The following PTK2 variants were observed in gnomAD, a reference collection of about 807,000 sequenced individuals.
PTK2 encodes protein tyrosine kinase 2, also known as focal adhesion kinase 1.
In PTK2, 45 loss-of-function variants were observed where a neutral mutation model predicts 150.1. The ratio of observed to expected loss-of-function variants is 0.30; its 90% CI spans 0.24 to 0.38. The LOEUF (loss-of-function observed/expected upper bound fraction) is 0.38, where lower values mean the gene tolerates loss of function less well. PTK2 is among the 10% of genes least tolerant of loss of function. The pLI is 1.00. For synonymous variants in PTK2, 432 were observed against 449.2 expected, an observed-to-expected ratio of 0.96 and a Z score of 0.48; for missense variants, 919 against 1,307.3, an observed-to-expected ratio of 0.70 and a Z score of 4.58.
intron 31 of PTK2, among the ~76,000 whole-genome samples, chr8:140,664,411 C>T (rs562003243): frequency 8.5e-5 from 13 of 152,266 alleles, no homozygotes; most frequent in East Asian, 1.9e-4. Flanking sequence ...GGATTACGGG[C>T]GTGAGCTACC....
At chr8:140,691,456 A>G (rs1049781152) in intron 26 of PTK2, among the ~76,000 whole-genome samples, 2 of 152,212 alleles carry the variant, frequency 1.3e-5, no homozygotes, top group Non-Finnish European at 2.9e-5. Flanking sequence ...ATTCATAAAG[A>G]AAATACTGTA....
intron 8 of PTK2, among the ~76,000 whole-genome samples, chr8:140,829,645 A>G (rs1041469483): frequency 6.6e-6 from 1 of 152,142 alleles, no homozygotes; most frequent in Admixed American, 6.6e-5. Context: ...GGGATGTAGA[A>G]TAAGATCTTT....
chr8:140,665,476 C>T (rs1588930990), intron 30 of PTK2, among the ~76,000 whole-genome samples: 1 of 152,262 alleles, frequency 6.6e-6, no homozygotes, highest in East Asian at 1.9e-4. Context: ...AAGGGGGCAG[C>T]CTTGCTTTGG....
intron 2 of PTK2, among the ~76,000 whole-genome samples, chr8:140,903,469 T>C (rs2100159601): frequency 6.6e-6 from 1 of 152,220 alleles, no homozygotes; most frequent in East Asian, 1.9e-4. Context: ...TTGCTTAGGA[T>C]TGAGTTGGCT....
intron 20 of PTK2, among the ~76,000 whole-genome samples, chr8:140,741,841 TA>T: frequency 6.6e-6 from 1 of 152,052 alleles, no homozygotes; most frequent in Non-Finnish European, 1.5e-5. Context: ...AGATTTCAGT[TA>T]AAAAAACTAA....
intron 22 of PTK2, among the ~76,000 whole-genome samples, chr8:140,719,132 C>T (rs143879068): frequency 4.6e-5 from 7 of 152,136 alleles, no homozygotes; most frequent in South Asian, 2.1e-4. Flanking sequence ...GCTGAGATCA[C>T]GCCACTGTAC....
At chr8:140,915,578 C>G (rs2100164914) in intron 2 of PTK2, among the ~76,000 whole-genome samples, 1 of 152,038 alleles carries the variant, frequency 6.6e-6, no homozygotes, top group African/African-American at 2.4e-5. Flanking sequence ...TTCTCCTTCA[C>G]TTAGAAGGTC....
At chr8:141,000,439 G>C (rs2100199690) in intron 1 of PTK2, among the ~76,000 whole-genome samples, 1 of 152,146 alleles carries the variant, frequency 6.6e-6, no homozygotes, top group Non-Finnish European at 1.5e-5. Flanking sequence ...GACGGAGGTC[G>C]GGCCGTCGCG....
At chr8:140,862,084 A>C (rs1490908748) in intron 5 of PTK2, among the ~76,000 whole-genome samples, 1 of 152,252 alleles carries the variant, frequency 6.6e-6, no homozygotes, top group Admixed American at 6.5e-5. Context: ...ACAAAGAAAA[A>C]GTAGGACAAC....
intron 26 of PTK2, among the ~76,000 whole-genome samples, chr8:140,697,859 T>G (rs1418946534): frequency 4.6e-5 from 6 of 130,922 alleles, no homozygotes; most frequent in South Asian, 2.7e-4. Context: ...ACTGTTTTTT[T>G]TTTTTTTTTT....
At chr8:140,920,617 AT>A (rs1250751613) in intron 2 of PTK2, among the ~76,000 whole-genome samples, 1 of 152,314 alleles carries the variant, frequency 6.6e-6, no homozygotes, top group Non-Finnish European at 1.5e-5. Flanking sequence ...TCCATAAAAA[AT>A]ATTTTCATTT....
At chr8:140,675,531 T>C (rs2100013110) in intron 27 of PTK2, 32 bp from the exon 31 acceptor site, 2 of 1,533,252 alleles carry the variant, frequency 1.3e-6, no homozygotes, top group East Asian at 4.5e-5. Context: ...GTCAATGCAC[T>C]GGTATATACA....
At position 140,941,709 on chromosome 8, in the gene PTK2, C is replaced by T. The variant is rs2100175837; in HGVS notation, c.-121-15960G>A. 3.3e-5 allele frequency among the ~76,000 whole-genome samples: 5 copies of T among 151,960 alleles called. No individual in the cohort carries two copies. In the South Asian group the frequency reaches 1.0e-3, roughly 32 times the overall value. On this transcript the variant is annotated intron_variant, in intron 1 of 31. Coordinates refer to ENST00000522684, the Ensembl canonical transcript of PTK2. ...TACCACAAAGTAGTAATGAGCAACTCTATTTTTTTTTTGGAGACAGGGTCT... is the reference window on the plus strand; with the variant it reads ...TACCACAAAGTAGTAATGAGCAACTTTATTTTTTTTTTGGAGACAGGGTCT...
intron 4 of PTK2, among the ~76,000 whole-genome samples, chr8:140,877,626 C>T (rs2100146428): frequency 6.6e-6 from 1 of 151,866 alleles, no homozygotes; most frequent in Admixed American, 6.6e-5. Context: ...CCTGGCTCAG[C>T]CACTTATGAC....
chr8:140,938,394 T>C (rs1183061791), intron 1 of PTK2, among the ~76,000 whole-genome samples: 13 of 152,156 alleles, frequency 8.5e-5, no homozygotes, highest in South Asian at 4.1e-4. Context: ...CAAACTCTCA[T>C]AAAAACTCCA....
intron 17 of PTK2, among the ~76,000 whole-genome samples, chr8:140,751,124 C>T (rs569600658): frequency 6.6e-6 from 1 of 152,058 alleles, no homozygotes; most frequent in African/African-American, 2.4e-5. Flanking sequence ...CCTGGGAAGC[C>T]GTCAGAAGAG....
intron 2 of PTK2, among the ~76,000 whole-genome samples, chr8:140,907,895 A>G (rs1260628652): frequency 6.6e-6 from 1 of 150,774 alleles, no homozygotes; most frequent in Non-Finnish European, 1.5e-5. Context: ...CAGAGACACA[A>G]TAATACTGAA....
chr8:140,946,577 G>T (rs539497249), intron 1 of PTK2, among the ~76,000 whole-genome samples: 1 of 152,302 alleles, frequency 6.6e-6, no homozygotes, highest in African/African-American at 2.4e-5. Context: ...GGAAGCAGAT[G>T]GAAGACCGGA....
chr8:140,990,963 C>T (rs1248129749), intron 1 of PTK2, among the ~76,000 whole-genome samples: 1 of 152,106 alleles, frequency 6.6e-6, no homozygotes, highest in Non-Finnish European at 1.5e-5. Flanking sequence ...ATATTATGAT[C>T]AAGCTGTGGG....
Sources: gnomAD v4.1 joint callset for allele counts (sites outside exome capture counted in the v4.1 genomes callset) on GRCh38, gnomAD v4.1.1 for gene constraint, MANE v1.5 for transcripts, NCBI Gene and HGNC (gene_info 2026-07-23, HGNC 2026-07-21) for gene names.